Variants in ANKRD28 observed in about 807,000 individuals in gnomAD.
ANKRD28 encodes serine/threonine-protein phosphatase 6 regulatory ankyrin repeat subunit A.
In ANKRD28, 44 loss-of-function variants were observed where a neutral mutation model predicts 126.5. The observed-to-expected ratio is 0.35, with a 90% CI of 0.27 to 0.45. The LOEUF (loss-of-function observed/expected upper bound fraction) is 0.45. Ranked by LOEUF, ANKRD28 falls within the 20% of genes least tolerant of loss-of-function variation. The pLI is 1.00. For synonymous variants in ANKRD28, 442 were observed against 468.5 expected, an observed-to-expected ratio of 0.94 and a Z score of 0.73; for missense variants, 1,110 against 1,316.6, an observed-to-expected ratio of 0.84 and a Z score of 2.43.
At chr3:15,741,078 A>AG (rs2075427558) in intron 4 of ANKRD28, among the ~76,000 whole-genome samples, 1 of 152,172 alleles carries the variant, frequency 6.6e-6, no homozygotes, top group Non-Finnish European at 1.5e-5. Flanking sequence ...GGGCGCCTGT[A>AG]GTCCCAGCTA....
intron 14 of ANKRD28, among the ~76,000 whole-genome samples, chr3:15,700,020 T>C (rs1054299371): frequency 6.6e-6 from 1 of 152,126 alleles, no homozygotes; most frequent in African/African-American, 2.4e-5. Context: ...ATTAAGAAAA[T>C]GTGGCACATA....
At chr3:15,697,686 C>T (rs769011978) in intron 14 of ANKRD28, among the ~76,000 whole-genome samples, 7 of 152,142 alleles carry the variant, frequency 4.6e-5, no homozygotes, top group Non-Finnish European at 1.0e-4. Context: ...CATTGATGTT[C>T]ATCAGGGATA....
intron 6 of ANKRD28, among the ~76,000 whole-genome samples, chr3:15,729,455 G>A (rs557255443): frequency 3.0e-4 from 46 of 152,228 alleles, no homozygotes; most frequent in South Asian, 1.5e-3. Context: ...TTTCGTAAAC[G>A]GAATCATTAA....
intron 18 of ANKRD28, among the ~76,000 whole-genome samples, chr3:15,688,232 A>T (rs1275615714): frequency 6.6e-6 from 1 of 152,230 alleles, no homozygotes; most frequent in Non-Finnish European, 1.5e-5. Context: ...TTCTAGCTAT[A>T]GATTAATATT....
intron 5 of ANKRD28, 148 bp from the exon 6 acceptor site, chr3:15,735,645 C>T (rs1381298006): frequency 1.7e-6 from 1 of 598,902 alleles, no homozygotes; most frequent in Admixed American, 3.2e-5. Flanking sequence ...TACTGAAGGT[C>T]ATTTAACATA....
chr3:15,670,165 G>C lies in ANKRD28; in HGVS notation c.*105C>G. ...ATCTCTTAACATTGGCTCACTGTGGGATCTTTCCTCTTAGGTTGAATTTCT... is the reference window on the plus strand; with the variant it reads ...ATCTCTTAACATTGGCTCACTGTGGCATCTTTCCTCTTAGGTTGAATTTCT... On this transcript the variant is annotated 3_prime_UTR_variant, in exon 28 of 28. Coordinates refer to ENST00000683139, the MANE Select transcript of ANKRD28 (RefSeq NM_001349278.2). 7.7e-7 allele frequency: 1 copy of C among 1,290,864 alleles called. No individual in the cohort carries two copies. The highest frequency in any genetic ancestry group is 1.1e-6 in the Non-Finnish European group (1 of 941,926). The allele number at this position is 1,290,864 out of a possible 1,614,324, so 80.0% of individuals were successfully genotyped here.
chr3:15,838,969 TCAA>T lies in ANKRD28; in HGVS notation c.27+20405_27+20407del, dbSNP rs1463019617. Among the ~76,000 whole-genome samples the T allele has an allele frequency of 6.6e-6, 1 of 152,118 alleles. No individual in the cohort carries two copies. Among genetic ancestry groups the T allele is most frequent in the Admixed American group, 6.5e-5 (1 of 15,274 alleles). ...ATACATGTTACAACATGAATGAACC[TCAA>T]CAACATTTATACCAAATTTTTAAAA... On this transcript the variant is annotated intron_variant, in intron 1 of 27. Transcript: ENST00000399451. This position sits in a 1 kb window ranked among gnomAD's most constrained non-coding sequence, Gnocchi z 4.0.
At chr3:15,820,825 C>T (rs2060927672) in intron 1 of ANKRD28, among the ~76,000 whole-genome samples, 1 of 152,126 alleles carries the variant, frequency 6.6e-6, no homozygotes, top group Admixed American at 6.5e-5. Flanking sequence ...AGATTGACAT[C>T]TCCCTATTAC....
exon 1 of ANKRD28, chr3:15,859,410 C>G (rs1205126765): frequency 1.3e-6 from 2 of 1,525,378 alleles, no homozygotes; most frequent in South Asian, 1.2e-5. Context: ...CCATGGCGGT[C>G]GCCTCCGCGC....
At chr3:15,832,852 T>C (rs2061235137) in intron 1 of ANKRD28, among the ~76,000 whole-genome samples, 1 of 152,200 alleles carries the variant, frequency 6.6e-6, no homozygotes. Flanking sequence ...TTAGGCTGAT[T>C]CCACGTATAT....
chr3:15,832,477 T>A (rs2061226147), intron 1 of ANKRD28, among the ~76,000 whole-genome samples: 1 of 152,230 alleles, frequency 6.6e-6, no homozygotes, highest in Non-Finnish European at 1.5e-5. Flanking sequence ...TGCTAAATTT[T>A]AAAAATAAAT....
chr3:15,859,769 CGCGCCGTTCCAGCCCGCGGCA>C (rs1053205601), exon 1 of ANKRD28: 1 of 153,074 alleles, frequency 6.5e-6, no homozygotes, highest in African/African-American at 2.4e-5. Context: ...CCCCCGCGGC[CGCGCCGTTCCAGCCCGCGGCA>C]GCGGCGGCAT....
chr3:15,728,926 T>C (rs2074381760), intron 6 of ANKRD28, among the ~76,000 whole-genome samples: 1 of 152,222 alleles, frequency 6.6e-6, no homozygotes, highest in Non-Finnish European at 1.5e-5. Flanking sequence ...AAACAATCAA[T>C]GTTTTTATTT....
intron 12 of ANKRD28, among the ~76,000 whole-genome samples, chr3:15,710,036 GT>G (rs34686530): frequency 8.2e-5 from 12 of 146,336 alleles, no homozygotes; most frequent in Non-Finnish European, 1.3e-4. Context: ...TTGCTTATAG[GT>G]TTTTTTTTTT....
chr3:15,776,591 A>C (rs943000927), intron 2 of ANKRD28, among the ~76,000 whole-genome samples: 3 of 152,204 alleles, frequency 2.0e-5, no homozygotes, highest in Admixed American at 2.0e-4. Flanking sequence ...GACTATTATA[A>C]AAATTTACGG....
chr3:15,792,626 A>G (rs1056386583), intron 2 of ANKRD28, among the ~76,000 whole-genome samples: 1 of 152,136 alleles, frequency 6.6e-6, no homozygotes, highest in African/African-American at 2.4e-5. Flanking sequence ...AAAATAGAAT[A>G]AGACCTACTA....
At position 15,674,196 on chromosome 3, in the gene ANKRD28, A is replaced by AAAG. The variant is rs1553573254; in HGVS notation, c.2965+1699_2965+1701dup. On this transcript the variant is annotated intron_variant, in intron 27 of 27. Transcript: ENST00000683139. ...CTTCAAAAAAAAAAAAAAAAAAAAA[A>AAAG]AAGAAGAAGAACCGAAATTCAAGAG... 9.5e-3 allele frequency among the ~76,000 whole-genome samples: 1,239 copies of AAAG among 129,864 alleles called. 51 individuals are homozygous for AAAG. Among genetic ancestry groups the AAAG allele is most frequent in the East Asian group, 0.045 (131 of 2,920 alleles). The allele number at this position is 129,864 out of a possible 152,430, so 85.2% of individuals were successfully genotyped here. A position where few individuals can be genotyped will look rare whatever the true frequency, so the allele number is the denominator to read the frequency against.
Position 15,796,633 on chromosome 3 carries a change from G to C in ANKRD28, c.-112C>G. On this transcript the variant is annotated 5_prime_UTR_variant, in exon 1 of 28. Coordinates refer to ENST00000683139, the MANE Select transcript of ANKRD28 (RefSeq NM_001349278.2). Reference sequence around the variant, plus strand: ...AACACTTACAAACATTCTCTGAACAGCACAGCTGGGTTTTTTTTTTTTTTA... The same window carrying C: ...AACACTTACAAACATTCTCTGAACACCACAGCTGGGTTTTTTTTTTTTTTA... 1 of 977,204 alleles carries C rather than the reference G, an allele frequency of 1.0e-6. No homozygotes were observed. Among genetic ancestry groups the C allele is most frequent in the Non-Finnish European group, 1.2e-6 (1 of 824,410 alleles). 60.5% of individuals were successfully genotyped at this position (977,204 alleles called of 1,614,324 possible).
intron 1 of ANKRD28, among the ~76,000 whole-genome samples, chr3:15,849,610 T>C (rs1294449591): frequency 6.6e-6 from 1 of 151,848 alleles, no homozygotes; most frequent in Non-Finnish European, 1.5e-5. Flanking sequence ...TTCCAGAGAG[T>C]TGGAATTGGA....
Sources: gnomAD v4.1 joint callset for allele counts (sites outside exome capture counted in the v4.1 genomes callset) on GRCh38, gnomAD v4.1.1 for gene constraint, Gnocchi (gnomAD v3.1) non-coding constraint, MANE v1.5 for transcripts, NCBI Gene and HGNC (gene_info 2026-07-23, HGNC 2026-07-21) for gene names.